The following ZNF362 variants were observed in gnomAD, a reference collection of about 807,000 sequenced individuals.
ZNF362 encodes zinc finger protein 362, also known as rotund homolog.
ZNF362 carries 11 observed loss-of-function variants against 42.9 expected under a neutral mutation model. The ratio of observed to expected loss-of-function variants is 0.26; its 90% CI spans 0.16 to 0.42. The LOEUF (loss-of-function observed/expected upper bound fraction) is 0.42, where lower values mean the gene tolerates loss of function less well. Ranked by LOEUF, ZNF362 falls within the 20% of genes least tolerant of loss-of-function variation. The probability of loss-of-function intolerance (pLI) is 1.00; values close to 1 mark genes in which losing one functional copy is unlikely to be tolerated. For synonymous variants in ZNF362, 255 were observed against 257.3 expected, an observed-to-expected ratio of 0.99 and a Z score of 0.09; for missense variants, 362 against 576.2, an observed-to-expected ratio of 0.63 and a Z score of 3.81.
the ZNF362 span, among the ~76,000 whole-genome samples, chr1:33,250,607 G>A: frequency 6.6e-6 from 1 of 152,064 alleles, no homozygotes; most frequent in Non-Finnish European, 1.5e-5. Context: ...GGGAGGGAGA[G>A]CATCAGGAAG....
intron 6 of ZNF362, among the ~76,000 whole-genome samples, chr1:33,290,372 G>A (rs1165044748): frequency 6.6e-6 from 1 of 151,692 alleles, no homozygotes; most frequent in Non-Finnish European, 1.5e-5. Context: ...CTTCATCCAT[G>A]TCCCTACAAA....
Position 33,295,188 on chromosome 1 carries a change from T to C in ZNF362, c.1029T>C (p.Cys343=). ...RQHNKDKPYK[C]PNCYRAYSDS... Reference sequence around the variant, plus strand: ...ACAACAAGGACAAGCCCTACAAGTGTCCCAACTGCTACCGGGCCTATTCGG... The same window carrying C: ...ACAACAAGGACAAGCCCTACAAGTGCCCCAACTGCTACCGGGCCTATTCGG... The change falls in exon 8 of 9, where the codon TGT becomes TGC. Residue 343 remains cysteine (C), a synonymous_variant. Transcript: ENST00000539719. 1 of 1,614,006 alleles carries C rather than the reference T, an allele frequency of 6.2e-7. No individual in the cohort carries two copies. The highest frequency in any genetic ancestry group is 8.5e-7 in the Non-Finnish European group (1 of 1,179,986).
At chr1:33,289,593 T>TGAGC (rs1001674503) in intron 6 of ZNF362, among the ~76,000 whole-genome samples, 4 of 152,206 alleles carry the variant, frequency 2.6e-5, no homozygotes, top group African/African-American at 9.6e-5. Flanking sequence ...GGTCAGTCAG[T>TGAGC]GAGCAAACCC....
At chr1:33,213,262 G>T in the ZNF362 span, among the ~76,000 whole-genome samples, 1 of 152,104 alleles carries the variant, frequency 6.6e-6, no homozygotes, top group Non-Finnish European at 1.5e-5. Flanking sequence ...CTAAAGTGCT[G>T]AGATTACAGG....
the ZNF362 span, chr1:33,200,486 C>T: frequency 6.6e-6 from 1 of 152,084 alleles, no homozygotes; most frequent in South Asian, 2.1e-4. Flanking sequence ...GATTTAAATA[C>T]TCCAATTAAA....
chr1:33,223,611 G>C, the ZNF362 span, among the ~76,000 whole-genome samples: 1 of 152,180 alleles, frequency 6.6e-6, no homozygotes, highest in East Asian at 1.9e-4. Context: ...CTGAAGACCA[G>C]GCTGGCCATG....
chr1:33,259,104 CAG>C (rs1190364157), intron 1 of ZNF362, among the ~76,000 whole-genome samples: 3 of 152,198 alleles, frequency 2.0e-5, no homozygotes, highest in Admixed American at 2.0e-4. Context: ...CACCTGGGCT[CAG>C]AGAGGGGAAG....
At chr1:33,249,372 A>G in the ZNF362 span, among the ~76,000 whole-genome samples, 1 of 152,236 alleles carries the variant, frequency 6.6e-6, no homozygotes, top group Non-Finnish European at 1.5e-5. Context: ...CGACCATGCC[A>G]TGTAGAGACT....
At chr1:33,260,477 C>G (rs562101203) in intron 1 of ZNF362, among the ~76,000 whole-genome samples, 8 of 152,334 alleles carry the variant, frequency 5.3e-5, no homozygotes, top group Admixed American at 5.2e-4. Flanking sequence ...TGAATGTTAC[C>G]TCCTCAGAGG....
At chr1:33,193,580 C>T in the ZNF362 span, among the ~76,000 whole-genome samples, 95 of 152,136 alleles carry the variant, frequency 6.2e-4, 1 homozygote, top group African/African-American at 1.6e-3. Flanking sequence ...AATGCAGAGA[C>T]GGGATTAGGA....
rs772115857 is a variant in ZNF362, at chr1:33,276,587, C to G, written c.342C>G (p.Thr114=). 26 of 1,361,312 alleles carry G rather than the reference C, an allele frequency of 1.9e-5. No individual in the cohort carries two copies. The highest frequency in any genetic ancestry group is 2.3e-5 in the Non-Finnish European group (24 of 1,063,306). The allele number at this position is 1,361,312 out of a possible 1,614,324, so 84.3% of individuals were successfully genotyped here. ...TGCACGCACGGCCGGCCACCAGCAC[C>G]GTCACAGGTAGGCCGAGCGGGCGGG... The part of the protein sequence containing the change: ...VALHARPATS[T]VTGLGLSTRT... The change falls in exon 4 of 9, where the codon ACC becomes ACG. Residue 114 remains threonine (T), a synonymous_variant. Transcript: ENST00000539719.
At chr1:33,287,276 C>T (rs1398118328) in intron 6 of ZNF362, among the ~76,000 whole-genome samples, 11 of 152,194 alleles carry the variant, frequency 7.2e-5, no homozygotes, top group Non-Finnish European at 7.3e-5. Context: ...GGGCTTGAGA[C>T]CAGGAGTCTG....
chr1:33,281,546 C>T lies in ZNF362; in HGVS notation c.684-41C>T, dbSNP rs760819671. 1 of 1,602,788 alleles carries T rather than the reference C, an allele frequency of 6.2e-7. No individual in the cohort carries two copies. The highest frequency in any genetic ancestry group is 8.5e-7 in the Non-Finnish European group (1 of 1,170,134). Reference sequence around the variant, plus strand: ...GAAGGCCTCCCCTGAGATGGACAGTCTGGGGGATCTTCCCACGTGAACCTG... The same window carrying T: ...GAAGGCCTCCCCTGAGATGGACAGTTTGGGGGATCTTCCCACGTGAACCTG... On this transcript the variant is annotated intron_variant, in intron 5 of 8. Transcript: ENST00000539719. The surrounding 1 kb of genome is among the most constrained non-coding windows in gnomAD (Gnocchi z 4.8).
chr1:33,221,798 A>T, the ZNF362 span, among the ~76,000 whole-genome samples: 7 of 152,174 alleles, frequency 4.6e-5, no homozygotes, highest in Admixed American at 4.6e-4. Context: ...GGTTAAACAG[A>T]TGGATAATCT....
the ZNF362 span, chr1:33,165,785 C>T: frequency 2.4e-6 from 1 of 409,490 alleles, no homozygotes; most frequent in Admixed American, 4.3e-5. The surrounding 1 kb of genome is among the most constrained non-coding windows in gnomAD (Gnocchi z 4.0). Context: ...TTGCAACAAC[C>T]TCCTCCTCTT....
At chr1:33,165,952 G>A in the ZNF362 span, 7 of 160,030 alleles carry the variant, frequency 4.4e-5, no homozygotes, top group East Asian at 5.3e-4. The surrounding 1 kb of genome is among the most constrained non-coding windows in gnomAD (Gnocchi z 4.0). Flanking sequence ...GAACCTGGAC[G>A]CACAGCAGGA....
chr1:33,279,067 C>G (rs2148103938), intron 4 of ZNF362, among the ~76,000 whole-genome samples: 1 of 152,118 alleles, frequency 6.6e-6, no homozygotes, highest in South Asian at 2.1e-4. Context: ...TTCTGTTACC[C>G]AGGCTGGAGT....
At chr1:33,127,845 G>A in the ZNF362 span, among the ~76,000 whole-genome samples, 1 of 152,090 alleles carries the variant, frequency 6.6e-6, no homozygotes, top group Non-Finnish European at 1.5e-5. Context: ...CTGCTTGCCA[G>A]GCCCTGCTCT....
the ZNF362 span, among the ~76,000 whole-genome samples, chr1:33,197,208 A>G: frequency 6.6e-6 from 1 of 152,116 alleles, no homozygotes; most frequent in Non-Finnish European, 1.5e-5. Flanking sequence ...CATTGACTGA[A>G]GGCTGCACTG....
Sources: allele counts gnomAD v4.1 joint callset (sites outside exome capture counted in the v4.1 genomes callset), GRCh38; gene constraint gnomAD v4.1.1; non-coding constraint Gnocchi (gnomAD v3.1); transcripts MANE v1.5; gene names NCBI Gene and HGNC (gene_info 2026-07-23, HGNC 2026-07-21).